The following STYK1 variants were observed in gnomAD, a reference collection of about 807,000 sequenced individuals.
STYK1 encodes the protein tyrosine-protein kinase STYK1.
A neutral mutation model predicts 48.1 loss-of-function variants in STYK1; 46 were observed. That is an observed-to-expected ratio of 0.96 (90% CI 0.75 to 1.22). The LOEUF is 1.22. Ranked by LOEUF, STYK1 falls within the 50% of genes most tolerant of loss-of-function variation. The pLI is 0.00. For missense variants in STYK1, 527 were observed against 521.1 expected, an observed-to-expected ratio of 1.01 and a Z score of -0.11; for synonymous variants, 188 against 189.0, an observed-to-expected ratio of 0.99 and a Z score of 0.04.
chr12:10,656,490 T>C (rs1947719878), intron 1 of STYK1, among the ~76,000 whole-genome samples: 2 of 152,104 alleles, frequency 1.3e-5, no homozygotes, highest in South Asian at 4.1e-4. Context: ...CTGGGCATGG[T>C]GGTGGGCACC....
intron 1 of STYK1, among the ~76,000 whole-genome samples, chr12:10,663,965 C>T (rs545034909): frequency 6.6e-6 from 1 of 152,208 alleles, no homozygotes; most frequent in South Asian, 2.1e-4. Context: ...GTTCCATGGC[C>T]TTTAAAGGTT....
chr12:10,660,350 A>G (rs973725785), intron 1 of STYK1, among the ~76,000 whole-genome samples: 2 of 152,172 alleles, frequency 1.3e-5, no homozygotes, highest in Admixed American at 6.5e-5. Context: ...AATACAAAAA[A>G]CACTAATAGT....
intron 6 of STYK1, 78 bp downstream of exon 6, chr12:10,629,415 G>A: frequency 6.9e-7 from 1 of 1,454,370 alleles, no homozygotes; most frequent in South Asian, 1.2e-5. Flanking sequence ...TTTGTCATTT[G>A]TCACACTAAC....
chr12:10,664,900 A>G (rs1947818247), intron 1 of STYK1, among the ~76,000 whole-genome samples: 1 of 152,222 alleles, frequency 6.6e-6, no homozygotes, highest in African/African-American at 2.4e-5. Flanking sequence ...ATCATTTCAT[A>G]ATAATTCATG....
chr12:10,659,257 C>T (rs2120779830), intron 1 of STYK1, among the ~76,000 whole-genome samples: 1 of 152,250 alleles, frequency 6.6e-6, no homozygotes, highest in Middle Eastern at 3.4e-3. Flanking sequence ...TGTGGCAATA[C>T]TCCTGTAAAC....
At chr12:10,631,012 G>C in intron 5 of STYK1, 33 bp downstream of exon 5, 1 of 1,607,646 alleles carries the variant, frequency 6.2e-7, no homozygotes, top group Non-Finnish European at 8.5e-7. Flanking sequence ...TTTACTGTTA[G>C]GGGAAGGGGG....
chr12:10,642,343 G>A (rs1046050326), intron 1 of STYK1, among the ~76,000 whole-genome samples: 1 of 152,116 alleles, frequency 6.6e-6, no homozygotes, highest in Non-Finnish European at 1.5e-5. Context: ...TTTGTATAAC[G>A]TATTTTAACT....
intron 1 of STYK1, among the ~76,000 whole-genome samples, chr12:10,664,913 T>A (rs1293748803): frequency 2.0e-5 from 3 of 152,236 alleles, no homozygotes; most frequent in Non-Finnish European, 4.4e-5. Context: ...AATTCATGGC[T>A]ATTTTACCAA....
In STYK1 at chr12:10,663,598, CAAAAAAAAAAAAAAAAAA is replaced by C. The variant is rs34019110; in HGVS notation, c.-195+10350_-195+10367del. On this transcript the variant is annotated intron_variant, in intron 1 of 10. Coordinates refer to ENST00000075503, the MANE Select transcript of STYK1 (RefSeq NM_018423.3). ...TGGGCGACAGAACGAGACTCTGTCT[CAAAAAAAAAAAAAAAAAA>C]AAAAAAAAAAAAAAAAAAAAATCAT... Among the ~76,000 whole-genome samples, 45 of 51,486 alleles carry C rather than the reference CAAAAAAAAAAAAAAAAAA, an allele frequency of 8.7e-4. 2 individuals are homozygous for C. The highest frequency in any genetic ancestry group is 1.5e-3 in the East Asian group (2 of 1,374). 33.8% of individuals were successfully genotyped at this position (51,486 alleles called of 152,430 possible).
chr12:10,629,403 AT>A lies in STYK1; in HGVS notation c.633+89del, dbSNP rs920665733. ...TGTCATGCTATTATAGTGTCTCTGC[AT>A]TTTGTCATTTGTCACACTAACTGAC... On this transcript the variant is annotated intron_variant, in intron 6 of 10. Coordinates refer to ENST00000075503, the MANE Select transcript of STYK1 (RefSeq NM_018423.3). 112 of 1,348,468 alleles carry A rather than the reference AT, an allele frequency of 8.3e-5. No individual in the cohort carries two copies. In the African/African-American group the frequency reaches 1.5e-3, roughly 18 times the overall value. The allele number at this position is 1,348,468 out of a possible 1,614,324, so 83.5% of individuals were successfully genotyped here. A position where few individuals can be genotyped will look rare whatever the true frequency, so the allele number is the denominator to read the frequency against.
intron 4 of STYK1, 105 bp from the exon 5 acceptor site, chr12:10,631,413 T>C (rs979794226): frequency 6.9e-7 from 1 of 1,438,946 alleles, no homozygotes; most frequent in Non-Finnish European, 9.3e-7. Flanking sequence ...AGTTTTCTCT[T>C]TGGCCAATGG....
At chr12:10,628,781 G>A (rs1947387933) in intron 6 of STYK1, among the ~76,000 whole-genome samples, 1 of 152,166 alleles carries the variant, frequency 6.6e-6, no homozygotes, top group African/African-American at 2.4e-5. Flanking sequence ...AAAAACGTGA[G>A]TTTGAGCTAC....
In STYK1 at chr12:10,646,125, T is replaced by C. The variant is rs181174039; in HGVS notation, c.-194-8929A>G. Among the ~76,000 whole-genome samples, 14 of 152,276 alleles carry C rather than the reference T, an allele frequency of 9.2e-5. No homozygotes were observed. In the East Asian group the frequency reaches 2.7e-3, roughly 29 times the overall value. On this transcript the variant is annotated intron_variant, in intron 1 of 10. Coordinates refer to ENST00000075503, the MANE Select transcript of STYK1 (RefSeq NM_018423.3). Reference sequence around the variant, plus strand: ...TAAATTGGTACCAGGAGTAGGGTGCTACTGAAAAGACAGCCAAAAATGTGG... The same window carrying C: ...TAAATTGGTACCAGGAGTAGGGTGCCACTGAAAAGACAGCCAAAAATGTGG...
At chr12:10,634,762 C>T (rs1334855638) in intron 2 of STYK1, 76 bp from the exon 3 acceptor site, 4 of 856,368 alleles carry the variant, frequency 4.7e-6, no homozygotes, top group East Asian at 2.7e-5. Flanking sequence ...AATTTTAAAC[C>T]GCCTCTACAG....
chr12:10,642,375 T>C (rs1257345702), intron 1 of STYK1, among the ~76,000 whole-genome samples: 2 of 152,212 alleles, frequency 1.3e-5, no homozygotes, highest in Non-Finnish European at 2.9e-5. Context: ...TTTTCCCATA[T>C]GTAAAGTGCT....
chr12:10,622,595 A>G (rs1865924833), intron 9 of STYK1, 43 bp downstream of exon 9: 3 of 1,611,086 alleles, frequency 1.9e-6, no homozygotes, highest in African/African-American at 1.3e-5. Context: ...ACACGCTTGC[A>G]TATTTGCATA....
intron 1 of STYK1, among the ~76,000 whole-genome samples, chr12:10,673,119 G>C (rs1469349941): frequency 6.6e-6 from 1 of 152,094 alleles, no homozygotes; most frequent in Non-Finnish European, 1.5e-5. Context: ...AGAAAGAAAG[G>C]GGGGATGAAG....
chr12:10,645,688 G>A (rs780317521), intron 1 of STYK1, among the ~76,000 whole-genome samples: 1 of 152,158 alleles, frequency 6.6e-6, no homozygotes, highest in Non-Finnish European at 1.5e-5. Flanking sequence ...GAGCACATTA[G>A]AATCTCCTAG....
intron 3 of STYK1, among the ~76,000 whole-genome samples, 198 bp downstream of exon 3, chr12:10,634,369 T>C (rs932838969): frequency 3.9e-5 from 6 of 152,270 alleles, no homozygotes; most frequent in East Asian, 1.9e-4. Flanking sequence ...CTTACCAAGA[T>C]TGAAGATGCA....
Sources: gnomAD v4.1 joint callset for allele counts (sites outside exome capture counted in the v4.1 genomes callset) on GRCh38, gnomAD v4.1.1 for gene constraint, MANE v1.5 for transcripts, NCBI Gene and HGNC (gene_info 2026-07-23, HGNC 2026-07-21) for gene names.